The following TACR1 variants were observed in gnomAD, a reference collection of about 807,000 sequenced individuals.
TACR1 encodes the protein tachykinin receptor 1, also known as substance-P receptor.
In TACR1, 25 loss-of-function variants were observed where a neutral mutation model predicts 35.8. The ratio of observed to expected loss-of-function variants is 0.70; its 90% CI spans 0.51 to 0.98. TACR1 has a LOEUF of 0.98. Among genes scored for constraint, TACR1 ranks in the 50% least tolerant of loss-of-function variants. The probability of loss-of-function intolerance (pLI) is 0.00; values close to 1 mark genes in which losing one functional copy is unlikely to be tolerated. For synonymous variants in TACR1, 195 were observed against 206.7 expected, an observed-to-expected ratio of 0.94 and a Z score of 0.48; for missense variants, 478 against 522.9, an observed-to-expected ratio of 0.91 and a Z score of 0.84.
At chr2:75,114,529 A>G (rs1673813225) in intron 2 of TACR1, among the ~76,000 whole-genome samples, 1 of 152,206 alleles carries the variant, frequency 6.6e-6, no homozygotes, top group African/African-American at 2.4e-5. Flanking sequence ...CCACATAACA[A>G]CTACAAGAAT....
intron 2 of TACR1, among the ~76,000 whole-genome samples, chr2:75,060,633 T>A (rs1439186662): frequency 6.6e-6 from 1 of 152,104 alleles, no homozygotes; most frequent in Non-Finnish European, 1.5e-5. Flanking sequence ...ACTGGAGAGT[T>A]GTGATTTATT....
At chr2:75,083,727 T>G (rs972541063) in intron 2 of TACR1, among the ~76,000 whole-genome samples, 12 of 152,114 alleles carry the variant, frequency 7.9e-5, no homozygotes, top group African/African-American at 2.7e-4. Flanking sequence ...GCTCTCTGTT[T>G]GTCTGTTATT....
intron 2 of TACR1, among the ~76,000 whole-genome samples, chr2:75,070,253 A>ATG (rs947656518): frequency 4.0e-4 from 36 of 90,672 alleles, no homozygotes; most frequent in African/African-American, 8.9e-4. Context: ...GTGTGTGTGT[A>ATG]TGTGTGTGTG....
chr2:75,128,443 A>C (rs945995402), intron 1 of TACR1, among the ~76,000 whole-genome samples: 2 of 152,170 alleles, frequency 1.3e-5, no homozygotes, highest in Non-Finnish European at 2.9e-5. Context: ...ATGTGAACGA[A>C]GGGGAAAAAA....
At position 75,198,830 on chromosome 2, in the gene TACR1, C is replaced by G; in HGVS notation, c.105G>C (p.Trp35Cys). 6 of 1,614,096 alleles carry G rather than the reference C, an allele frequency of 3.7e-6. No individual in the cohort carries two copies. Among genetic ancestry groups the G allele is most frequent in the Non-Finnish European group, 5.1e-6 (6 of 1,180,012 alleles). ...FVQPAWQIVLWAAAYTVIVVT... is the reference protein window; with the variant it reads ...FVQPAWQIVLCAAAYTVIVVT... Reference sequence around the variant, plus strand: ...CCACAATGACCGTGTAGGCAGCTGCCCAAAGGACAATTTGCCAGGCTGGTT... The same window carrying G: ...CCACAATGACCGTGTAGGCAGCTGCGCAAAGGACAATTTGCCAGGCTGGTT... Residue 35 changes from tryptophan to cysteine, a missense_variant, in exon 1 of 5, where the codon TGG becomes TGC. Physicochemically the swap from Trp to Cys is radical, Grantham distance 215 (BLOSUM62 -2). Coordinates refer to ENST00000305249, the MANE Select transcript of TACR1 (RefSeq NM_001058.4).
intron 2 of TACR1, among the ~76,000 whole-genome samples, chr2:75,084,204 G>A (rs1286630326): frequency 6.6e-6 from 1 of 152,124 alleles, no homozygotes; most frequent in Admixed American, 6.5e-5. Flanking sequence ...TTTGTCATTG[G>A]TTCTGTTTAT....
intron 1 of TACR1, among the ~76,000 whole-genome samples, chr2:75,127,438 A>G (rs748447421): frequency 6.6e-6 from 1 of 152,314 alleles, no homozygotes; most frequent in Non-Finnish European, 1.5e-5. Context: ...GTTGTGCACA[A>G]TTCTAAAAAG....
At chr2:75,157,946 T>C (rs1674902938) in intron 1 of TACR1, among the ~76,000 whole-genome samples, 1 of 152,264 alleles carries the variant, frequency 6.6e-6, no homozygotes, top group South Asian at 2.1e-4. Flanking sequence ...AGCTTTAGTT[T>C]AGAGCCTGTT....
chr2:75,124,248 A>T (rs768141432), intron 1 of TACR1, among the ~76,000 whole-genome samples: 5 of 152,178 alleles, frequency 3.3e-5, no homozygotes, highest in Admixed American at 1.3e-4. Flanking sequence ...TCTGCTGCAC[A>T]TTTGTTTTTT....
chr2:75,172,895 C>T (rs1047320992), intron 1 of TACR1, among the ~76,000 whole-genome samples: 1 of 152,134 alleles, frequency 6.6e-6, no homozygotes, highest in African/African-American at 2.4e-5. Context: ...CGTATCTCTT[C>T]ATATTGCCTT....
intron 4 of TACR1, among the ~76,000 whole-genome samples, chr2:75,050,024 G>A (rs1445146326): frequency 6.6e-6 from 1 of 152,196 alleles, no homozygotes; most frequent in Non-Finnish European, 1.5e-5. Context: ...CAGACTTTGA[G>A]TCAATTCTAC....
chr2:75,116,053 T>C (rs1673851475), intron 2 of TACR1, among the ~76,000 whole-genome samples: 1 of 152,176 alleles, frequency 6.6e-6, no homozygotes, highest in Non-Finnish European at 1.5e-5. Flanking sequence ...AATCTATATT[T>C]GTGTTGACTT....
intron 2 of TACR1, among the ~76,000 whole-genome samples, chr2:75,057,792 T>G (rs1672597135): frequency 6.6e-6 from 1 of 152,192 alleles, no homozygotes; most frequent in African/African-American, 2.4e-5. Flanking sequence ...AAGGTCGAAA[T>G]GAAGTATCTC....
intron 2 of TACR1, among the ~76,000 whole-genome samples, chr2:75,089,531 T>G (rs1398683382): frequency 6.6e-6 from 1 of 152,232 alleles, no homozygotes; most frequent in Non-Finnish European, 1.5e-5. Context: ...ATCTGATGAC[T>G]TAAAAGAGAC....
At chr2:75,092,115 C>T (rs1469286612) in intron 2 of TACR1, among the ~76,000 whole-genome samples, 1 of 152,196 alleles carries the variant, frequency 6.6e-6, no homozygotes, top group East Asian at 1.9e-4. Context: ...CACATACACA[C>T]ACTAGTGAGC....
chr2:75,143,403 A>T (rs891463741), intron 1 of TACR1, among the ~76,000 whole-genome samples: 1 of 152,206 alleles, frequency 6.6e-6, no homozygotes, highest in South Asian at 2.1e-4. Flanking sequence ...TGAAATGTCC[A>T]AAGAAATTTA....
chr2:75,120,660 G>T lies in TACR1; in HGVS notation c.498C>A (p.Gly166=). 1 of 1,614,082 alleles carries T rather than the reference G, an allele frequency of 6.2e-7. No individual in the cohort carries two copies. The highest frequency in any genetic ancestry group is 8.5e-7 in the Non-Finnish European group (1 of 1,180,004). Residue 166 remains glycine, a synonymous_variant, in exon 2 of 5, where the codon GGC becomes GGA. Transcript: ENST00000305249. ...GCATGGTCTCTGTGGTTGAGTAGTA[G>T]CCCTGGGGGAAGGCCAGCAGGAGAG... ...VLALLLAFPQ[G]YYSTTETMPS...
chr2:75,168,058 AT>A (rs1477953675), intron 1 of TACR1, among the ~76,000 whole-genome samples: 1 of 152,246 alleles, frequency 6.6e-6, no homozygotes. Context: ...ATTTAAAAAA[AT>A]AATCTTTGAC....
At chr2:75,196,482 G>C (rs535980669) in intron 1 of TACR1, among the ~76,000 whole-genome samples, 9 of 152,284 alleles carry the variant, frequency 5.9e-5, no homozygotes, top group Admixed American at 5.9e-4. Flanking sequence ...TGGAAACATG[G>C]TGACATTCCC....
Sources: gnomAD v4.1 joint callset for allele counts (sites outside exome capture counted in the v4.1 genomes callset) on GRCh38, gnomAD v4.1.1 for gene constraint, MANE v1.5 for transcripts, NCBI Gene and HGNC (gene_info 2026-07-23, HGNC 2026-07-21) for gene names.